The following CELF2 variants were observed in gnomAD, a reference collection of about 807,000 sequenced individuals.
CELF2 encodes the protein CUG triplet repeat RNA-binding protein 2.
Under a neutral mutation model 62.6 loss-of-function variants are expected in CELF2, and 8 were observed. The ratio of observed to expected loss-of-function variants is 0.13; its 90% CI spans 0.07 to 0.23. CELF2 has a LOEUF of 0.23. Among genes scored for constraint, CELF2 ranks in the 10% least tolerant of loss-of-function variants. CELF2 has a pLI of 1.00. For missense variants in CELF2, 333 were observed against 671.0 expected, an observed-to-expected ratio of 0.50 and a Z score of 5.56; for synonymous variants, 258 against 250.0, an observed-to-expected ratio of 1.03 and a Z score of -0.30.
the CELF2 span, among the ~76,000 whole-genome samples, chr10:10,700,229 A>G: frequency 6.6e-6 from 1 of 152,160 alleles, no homozygotes; most frequent in Admixed American, 6.5e-5. Context: ...GAGACCCAAT[A>G]CAGGAAGGCT....
rs1398904041 is a variant in CELF2, at chr10:11,105,100, G to A, written c.75-60386G>A. 2.0e-5 allele frequency among the ~76,000 whole-genome samples: 3 copies of A among 152,318 alleles called. No homozygotes were observed. The East Asian group carries it at 5.8e-4, about 29-fold the overall frequency. On this transcript the variant is annotated intron_variant, in intron 1 of 12. Transcript: ENST00000633077. ...TGAAACAGTGATTCAAAACATACCG[G>A]TTGGGTTATCCGATGGGAAATAAAA...
intron 7 of CELF2, among the ~76,000 whole-genome samples, chr10:11,271,493 G>T (rs1190326848): frequency 6.6e-6 from 1 of 152,162 alleles, no homozygotes; most frequent in Non-Finnish European, 1.5e-5. Flanking sequence ...GGACTTGAGG[G>T]CATCTGAATG....
the CELF2 span, among the ~76,000 whole-genome samples, chr10:10,479,541 G>A: frequency 2.0e-5 from 3 of 152,164 alleles, no homozygotes; most frequent in African/African-American, 7.2e-5. Flanking sequence ...AAGGAGATAA[G>A]TATCATGATG....
chr10:11,291,407 A>G (rs904223701), intron 9 of CELF2, among the ~76,000 whole-genome samples: 1 of 152,242 alleles, frequency 6.6e-6, no homozygotes, highest in Non-Finnish European at 1.5e-5. Flanking sequence ...TGTTAAAAAA[A>G]AATCCCCTCA....
At chr10:10,872,476 C>T (rs1304652487) in intron 1 of CELF2, among the ~76,000 whole-genome samples, 2 of 152,110 alleles carry the variant, frequency 1.3e-5, no homozygotes, top group Non-Finnish European at 2.9e-5. Flanking sequence ...GAAAAACATT[C>T]CGAATGATGA....
intron 2 of CELF2, among the ~76,000 whole-genome samples, chr10:11,168,069 G>C (rs2067758772): frequency 6.6e-6 from 1 of 152,160 alleles, no homozygotes; most frequent in African/African-American, 2.4e-5. Context: ...CTTTACTTAA[G>C]TGTTCCCCAA....
chr10:10,830,708 C>A (rs1336151637), intron 1 of CELF2, among the ~76,000 whole-genome samples: 1 of 150,570 alleles, frequency 6.6e-6, no homozygotes, highest in Non-Finnish European at 1.5e-5. Flanking sequence ...TTTTTTTTTT[C>A]TTTTACATAG....
At chr10:11,213,193 T>G (rs1161384489) in intron 2 of CELF2, among the ~76,000 whole-genome samples, 1 of 151,456 alleles carries the variant, frequency 6.6e-6, no homozygotes, top group Non-Finnish European at 1.5e-5. Context: ...TCCCCTCTGA[T>G]GCATGGTGCG....
intron 2 of CELF2, among the ~76,000 whole-genome samples, chr10:10,923,522 G>A (rs1247736503): frequency 6.6e-6 from 1 of 152,194 alleles, no homozygotes; most frequent in Non-Finnish European, 1.5e-5. Context: ...ATGCTTTGAA[G>A]TCGAAATGAG....
intron 1 of CELF2, among the ~76,000 whole-genome samples, chr10:10,813,080 G>A (rs1417051168): frequency 1.3e-5 from 2 of 152,166 alleles, no homozygotes; most frequent in Non-Finnish European, 2.9e-5. Context: ...TTTTCTCACA[G>A]CACAGCAATT....
At chr10:11,308,341 T>C (rs1441275935) in intron 9 of CELF2, among the ~76,000 whole-genome samples, 5 of 152,178 alleles carry the variant, frequency 3.3e-5, no homozygotes, top group Non-Finnish European at 5.9e-5. Context: ...TCTCTTGAAA[T>C]TTTTTTTCTG....
chr10:10,502,510 G>A, the CELF2 span, among the ~76,000 whole-genome samples: 172 of 151,950 alleles, frequency 1.1e-3, no homozygotes, highest in African/African-American at 4.0e-3. Flanking sequence ...TGTGTTTTTT[G>A]AGGAAGTGAT....
At chr10:10,581,518 A>G in the CELF2 span, among the ~76,000 whole-genome samples, 10 of 152,290 alleles carry the variant, frequency 6.6e-5, no homozygotes, top group South Asian at 2.1e-3. Context: ...TGACACACCA[A>G]CACAAGTAAC....
At chr10:10,660,131 G>T in the CELF2 span, among the ~76,000 whole-genome samples, 1 of 152,112 alleles carries the variant, frequency 6.6e-6, no homozygotes, top group African/African-American at 2.4e-5. Flanking sequence ...TCCCCCAAAA[G>T]AATTTCATCA....
intron 9 of CELF2, among the ~76,000 whole-genome samples, chr10:11,288,802 C>T (rs1269150664): frequency 6.6e-6 from 1 of 152,240 alleles, no homozygotes; most frequent in African/African-American, 2.4e-5. Flanking sequence ...CGTTCTCACA[C>T]ATTCACTCTG....
intron 2 of CELF2, among the ~76,000 whole-genome samples, chr10:10,981,373 C>G (rs1272518375): frequency 1.3e-5 from 2 of 152,126 alleles, no homozygotes; most frequent in Non-Finnish European, 2.9e-5. Flanking sequence ...ATTTTGAGGG[C>G]ACTAAAAACT....
At chr10:11,121,433 C>T (rs1399502553) in intron 1 of CELF2, among the ~76,000 whole-genome samples, 1 of 152,154 alleles carries the variant, frequency 6.6e-6, no homozygotes, top group East Asian at 1.9e-4. Context: ...CTTCATTCCT[C>T]TCTCCCTCTG....
chr10:11,021,829 T>G (rs1410789807), intron 1 of CELF2, among the ~76,000 whole-genome samples: 1 of 152,186 alleles, frequency 6.6e-6, no homozygotes, highest in African/African-American at 2.4e-5. Flanking sequence ...TTTATCAAAA[T>G]CAAAACTGTG....
chr10:10,565,410 A>C, the CELF2 span, among the ~76,000 whole-genome samples: 1 of 152,258 alleles, frequency 6.6e-6, no homozygotes, highest in South Asian at 2.1e-4. Flanking sequence ...GAGGTAGAGA[A>C]GAAACATGCA....
Sources: gnomAD v4.1 joint callset for allele counts (sites outside exome capture counted in the v4.1 genomes callset) on GRCh38, gnomAD v4.1.1 for gene constraint, MANE v1.5 for transcripts, NCBI Gene and HGNC (gene_info 2026-07-23, HGNC 2026-07-21) for gene names.